Variants in MAPT observed in about 807,000 individuals in gnomAD.
MAPT encodes the protein microtubule-associated protein tau.
MAPT carries 34 observed loss-of-function variants against 67.9 expected under a neutral mutation model. That is an observed-to-expected ratio of 0.50 (90% CI 0.38 to 0.67). The LOEUF is 0.67. MAPT is among the 30% of genes least tolerant of loss of function. MAPT has a pLI of 0.00. For missense variants in MAPT, 881 were observed against 1,115.2 expected, an observed-to-expected ratio of 0.79 and a Z score of 2.99; for synonymous variants, 456 against 464.5, an observed-to-expected ratio of 0.98 and a Z score of 0.23.
At chr17:45,945,164 A>G (rs1169764101) in intron 1 of MAPT, among the ~76,000 whole-genome samples, 1 of 152,196 alleles carries the variant, frequency 6.6e-6, no homozygotes, top group East Asian at 1.9e-4. Context: ...GAAGGCTGAG[A>G]CTGCAGATGC....
chr17:45,902,422 A>G (rs2063682646), intron 1 of MAPT, among the ~76,000 whole-genome samples: 1 of 152,202 alleles, frequency 6.6e-6, no homozygotes, highest in South Asian at 2.1e-4. Context: ...TGGTGTACAT[A>G]CAAGATTTTG....
intron 12 of MAPT, among the ~76,000 whole-genome samples, 156 bp from the exon 13 acceptor site, chr17:46,023,800 C>T (rs1418640513): frequency 6.6e-6 from 1 of 152,176 alleles, no homozygotes; most frequent in Non-Finnish European, 1.5e-5. Context: ...GAGATTGTGC[C>T]ACCGCACTCT....
At chr17:45,937,679 G>A (rs745955707) in intron 1 of MAPT, among the ~76,000 whole-genome samples, 19 of 151,832 alleles carry the variant, frequency 1.3e-4, no homozygotes, top group Non-Finnish European at 2.1e-4. Flanking sequence ...CCAGAAGAGT[G>A]TGGGGAGAGG....
At position 45,990,443 on chromosome 17, in the gene MAPT, G is replaced by C. The variant is rs1007501251; in HGVS notation, c.1605+368G>C. The C allele has an allele frequency of 1.1e-4, 47 of 432,552 alleles. 1 individual carries two copies. Among genetic ancestry groups the C allele is most frequent in the Non-Finnish European group, 1.7e-4 (37 of 221,646 alleles). The allele number at this position is 432,552 out of a possible 1,614,324, so 26.8% of individuals were successfully genotyped here. A position where few individuals can be genotyped will look rare whatever the true frequency, so the allele number is the denominator to read the frequency against. Reference sequence around the variant, plus strand: ...AGCCTGGCTAACATGGCAAAACCCTGTCTCTACTAAAAATACAAAAATTAG... The same window carrying C: ...AGCCTGGCTAACATGGCAAAACCCTCTCTCTACTAAAAATACAAAAATTAG... On this transcript the variant is annotated intron_variant, in intron 7 of 12. Transcript: ENST00000262410.
chr17:46,006,231 T>C (rs763392050), intron 9 of MAPT, among the ~76,000 whole-genome samples: 6 of 152,184 alleles, frequency 3.9e-5, no homozygotes, highest in Admixed American at 6.5e-5. Context: ...ATGTGGTGCA[T>C]ATACACAATG....
Position 45,897,111 on chromosome 17 carries a change from A to T in MAPT, c.-18+2425A>T, listed in dbSNP as rs76632685. ...TCCTCGCATGGCTGGGCCCGCCGCG[A>T]GGGGTTGCAGAGCGGCTCAGGGATC... On this transcript the variant is annotated intron_variant, in intron 1 of 12. Transcript: ENST00000262410. The surrounding 1 kb of genome is among the most constrained non-coding windows in gnomAD (Gnocchi z 5.0). 0.14 allele frequency: 21,832 copies of T among 152,196 alleles called. 2,132 individuals carry two copies. The highest frequency in any genetic ancestry group is 0.22 in the Middle Eastern group (64 of 294). The allele number at this position is 152,196 out of a possible 1,614,324, so 9.4% of individuals were successfully genotyped here.
Position 45,906,795 on chromosome 17 carries a change from G to A in MAPT, c.-18+12109G>A, listed in dbSNP as rs186774445. Among the ~76,000 whole-genome samples, 11 of 152,190 alleles carry A rather than the reference G, an allele frequency of 7.2e-5. No individual in the cohort carries two copies. The highest frequency in any genetic ancestry group is 2.4e-4 in the African/African-American group (10 of 41,510). On this transcript the variant is annotated intron_variant, in intron 1 of 12. Transcript: ENST00000262410. The surrounding 1 kb of genome is among the most constrained non-coding windows in gnomAD (Gnocchi z 4.3). Reference sequence around the variant, plus strand: ...AATTTGCCATCTTCCAGTCCCGAATGTGGCAAGCCATGGAGCCTTAAGCTC... The same window carrying A: ...AATTTGCCATCTTCCAGTCCCGAATATGGCAAGCCATGGAGCCTTAAGCTC...
intron 1 of MAPT, among the ~76,000 whole-genome samples, chr17:45,909,657 G>A (rs773411232): frequency 5.3e-5 from 8 of 152,042 alleles, no homozygotes; most frequent in Admixed American, 2.6e-4. Flanking sequence ...GGTCACCTGA[G>A]GTCAGGAGTT....
intron 9 of MAPT, among the ~76,000 whole-genome samples, chr17:46,001,975 G>A (rs892280706): frequency 5.9e-5 from 9 of 152,186 alleles, no homozygotes; most frequent in East Asian, 1.9e-4. Flanking sequence ...GCCCCCACCC[G>A]GAGTGCTGGG....
At chr17:45,992,717 C>T (rs146872677) in intron 8 of MAPT, among the ~76,000 whole-genome samples, 172 of 151,856 alleles carry the variant, frequency 1.1e-3, no homozygotes, top group African/African-American at 4.0e-3. Flanking sequence ...GGCAAAACCC[C>T]GTCTCTAATA....
intron 3 of MAPT, among the ~76,000 whole-genome samples, chr17:45,972,390 C>T (rs1410419156): frequency 6.6e-6 from 1 of 152,170 alleles, no homozygotes; most frequent in Non-Finnish European, 1.5e-5. Context: ...GGACTTTGGC[C>T]ACGGTGTTTG....
intron 11 of MAPT, among the ~76,000 whole-genome samples, chr17:46,018,295 T>C (rs62062285): frequency 2.0e-5 from 3 of 152,276 alleles, no homozygotes; most frequent in African/African-American, 7.2e-5. Context: ...ACTTTGATTA[T>C]ATAGATGAAG....
At chr17:45,951,121 G>A (rs967313621) in intron 1 of MAPT, among the ~76,000 whole-genome samples, 12 of 152,242 alleles carry the variant, frequency 7.9e-5, no homozygotes, top group Non-Finnish European at 1.3e-4. Flanking sequence ...GCCACGTGCT[G>A]TGTGACTTCC....
chr17:45,925,071 C>T (rs1429140176), intron 1 of MAPT, among the ~76,000 whole-genome samples: 3 of 152,234 alleles, frequency 2.0e-5, no homozygotes, highest in Non-Finnish European at 4.4e-5. Context: ...CTGCCACTGT[C>T]CCCTTTTATC....
intron 1 of MAPT, among the ~76,000 whole-genome samples, chr17:45,936,648 G>T (rs1019743287): frequency 6.6e-6 from 1 of 152,148 alleles, no homozygotes; most frequent in Non-Finnish European, 1.5e-5. Context: ...TGGCAATTTT[G>T]ATTTAAAGTG....
chr17:45,922,206 C>A (rs1373239006), intron 1 of MAPT, among the ~76,000 whole-genome samples: 1 of 151,872 alleles, frequency 6.6e-6, no homozygotes, highest in Admixed American at 6.6e-5. Flanking sequence ...AGAGACGGCC[C>A]GAAGTGCTAG....
chr17:45,969,781 A>ATCCT (rs769516508), intron 2 of MAPT, among the ~76,000 whole-genome samples: 2 of 152,038 alleles, frequency 1.3e-5, no homozygotes, highest in East Asian at 1.9e-4. Context: ...TTATCCATCC[A>ATCCT]TCCTTCCTTC....
intron 9 of MAPT, among the ~76,000 whole-genome samples, chr17:46,009,827 T>G (rs2075700370): frequency 6.6e-6 from 1 of 152,222 alleles, no homozygotes; most frequent in South Asian, 2.1e-4. Context: ...CAGGTGATTC[T>G]GATGCCCGGC....
intron 1 of MAPT, among the ~76,000 whole-genome samples, chr17:45,904,003 ATT>A (rs2063928171): frequency 4.1e-5 from 1 of 24,496 alleles, no homozygotes; most frequent in African/African-American, 1.4e-4. Context: ...TATATTATAT[ATT>A]ATATATATTA....
Sources: gnomAD v4.1 joint callset for allele counts (sites outside exome capture counted in the v4.1 genomes callset) on GRCh38, gnomAD v4.1.1 for gene constraint, Gnocchi (gnomAD v3.1) non-coding constraint, MANE v1.5 for transcripts, NCBI Gene and HGNC (gene_info 2026-07-23, HGNC 2026-07-21) for gene names.